Variants in NOL10 observed in about 807,000 individuals in gnomAD.
NOL10 encodes the protein H_NH0074G24.1.
In NOL10, 58 loss-of-function variants were observed where a neutral mutation model predicts 103.5. The observed-to-expected ratio is 0.56, with a 90% CI of 0.45 to 0.70. The LOEUF is 0.70. Ranked by LOEUF, NOL10 falls within the 30% of genes least tolerant of loss-of-function variation. The probability of loss-of-function intolerance (pLI) is 0.00; values close to 1 mark genes in which losing one functional copy is unlikely to be tolerated. For synonymous variants in NOL10, 287 were observed against 282.5 expected, an observed-to-expected ratio of 1.02 and a Z score of -0.16; for missense variants, 763 against 807.3, an observed-to-expected ratio of 0.95 and a Z score of 0.67.
At chr2:10,630,087 C>T (rs1465001477) in intron 13 of NOL10, among the ~76,000 whole-genome samples, 1 of 152,230 alleles carries the variant, frequency 6.6e-6, no homozygotes, top group Non-Finnish European at 1.5e-5. Context: ...CCACACCCAG[C>T]TTAATGACTT....
intron 11 of NOL10, among the ~76,000 whole-genome samples, chr2:10,655,330 C>G (rs1679772351): frequency 6.6e-6 from 1 of 151,784 alleles, no homozygotes. Context: ...AGAAAACAAA[C>G]CAATCAGAGG....
chr2:10,653,253 A>G (rs1395049079), intron 12 of NOL10, among the ~76,000 whole-genome samples: 1 of 151,966 alleles, frequency 6.6e-6, no homozygotes, highest in African/African-American at 2.4e-5. Context: ...ATGAGTGAGT[A>G]CACCTAGTAT....
chr2:10,594,479 C>T (rs1426581257), intron 17 of NOL10, among the ~76,000 whole-genome samples: 1 of 152,072 alleles, frequency 6.6e-6, no homozygotes, highest in African/African-American at 2.4e-5. Context: ...TGGAATGGGG[C>T]AGAAAATTCT....
At chr2:10,628,798 CTTT>C (rs1677650272) in intron 13 of NOL10, among the ~76,000 whole-genome samples, 1 of 152,156 alleles carries the variant, frequency 6.6e-6, no homozygotes, top group Admixed American at 6.5e-5. Context: ...TTTAAGCAAA[CTTT>C]TTCAAACAGT....
At chr2:10,655,568 T>C (rs1190736371) in intron 11 of NOL10, among the ~76,000 whole-genome samples, 2 of 152,038 alleles carry the variant, frequency 1.3e-5, no homozygotes, top group African/African-American at 4.8e-5. Flanking sequence ...AAAAAGATGC[T>C]AAGAAGGTGG....
chr2:10,573,759 A>C (rs1446849038), intron 20 of NOL10, among the ~76,000 whole-genome samples: 1 of 151,928 alleles, frequency 6.6e-6, no homozygotes, highest in African/African-American at 2.4e-5. Context: ...CTATTCTTCA[A>C]CTGTCTTTTC....
chr2:10,603,120 T>A lies in NOL10; in HGVS notation c.1191A>T (p.Ala397=). 1 of 1,611,950 alleles carries A rather than the reference T, an allele frequency of 6.2e-7. No individual in the cohort carries two copies. The highest frequency in any genetic ancestry group is 8.5e-7 in the Non-Finnish European group (1 of 1,178,908). The change falls in exon 15 of 21, where the codon GCA becomes GCT. Residue 397 remains alanine, a synonymous_variant. Coordinates refer to ENST00000381685, the MANE Select transcript of NOL10 (RefSeq NM_024894.4). ...THLIGSPFLR[A]YMHGFFMDIR... ...TATCCATGAAAAACCCATGCATATATGCCCGGAGGAAAGGAGATCCAATGA... is the reference window on the plus strand; with the variant it reads ...TATCCATGAAAAACCCATGCATATAAGCCCGGAGGAAAGGAGATCCAATGA...
In NOL10 at chr2:10,602,646, A is replaced by C. The variant is rs541833548; in HGVS notation, c.1332+130T>G. The C allele has an allele frequency of 4.6e-6, 3 of 647,514 alleles. No individual in the cohort carries two copies. The South Asian group carries it at 6.6e-5, about 14-fold the overall frequency. 40.1% of individuals were successfully genotyped at this position (647,514 alleles called of 1,614,324 possible). On this transcript the variant is annotated intron_variant, in intron 16 of 20. Coordinates refer to ENST00000381685, the MANE Select transcript of NOL10 (RefSeq NM_024894.4). ...ACTGATGACAAACAAACTATACCAA[A>C]AATATCAGTAAAAGATGCAAATTAA... is the stretch of plus-strand genomic sequence containing the variant.
intron 12 of NOL10, among the ~76,000 whole-genome samples, chr2:10,645,230 G>A (rs1191355738): frequency 6.6e-6 from 1 of 152,082 alleles, no homozygotes; most frequent in African/African-American, 2.4e-5. Context: ...ACTCAAGAGC[G>A]CCTGCTTTTA....
Position 10,671,610 on chromosome 2 carries a change from A to G in NOL10, c.408T>C (p.Phe136=). 1 of 1,600,920 alleles carries G rather than the reference A, an allele frequency of 6.2e-7. No homozygotes were observed. Among genetic ancestry groups the G allele is most frequent in the Non-Finnish European group, 8.5e-7 (1 of 1,173,286 alleles). The change falls in exon 6 of 21, where the codon TTT becomes TTC. Residue 136 remains phenylalanine, a synonymous_variant. Transcript: ENST00000381685. The part of the protein sequence containing the change: ...GFYYKTRIPK[F]GRDFSYHYPS... ...GATAGTGGTAAGAGAAATCTCTCCC[A>G]AACTTTGGTATTCTGGTTTTGTAGT... is the stretch of plus-strand genomic sequence containing the variant.
chr2:10,632,350 C>T (rs950494970), intron 13 of NOL10, among the ~76,000 whole-genome samples: 2 of 152,218 alleles, frequency 1.3e-5, no homozygotes, highest in Admixed American at 1.3e-4. Context: ...GTCACAGCTA[C>T]TCAACTTTGC....
intron 2 of NOL10, among the ~76,000 whole-genome samples, chr2:10,683,956 A>G (rs766892401): frequency 1.3e-5 from 2 of 152,154 alleles, no homozygotes; most frequent in Non-Finnish European, 2.9e-5. Flanking sequence ...CACCAGGAAC[A>G]TACCAACCAC....
rs997131160 is a variant in NOL10 at position 10,657,633 on chromosome 2, T to C, written c.906+109A>G. The C allele has an allele frequency of 1.6e-5, 15 of 911,236 alleles. No homozygotes were observed. The African/African-American group carries it at 2.2e-4, about 13-fold the overall frequency. The allele number at this position is 911,236 out of a possible 1,614,324, so 56.4% of individuals were successfully genotyped here. ...CTCCCGCTAAGTTCCCAAATGTATA[T>C]TCAGTATCTCTTTCCCAATAACCCA... On this transcript the variant is annotated intron_variant, in intron 11 of 20. Transcript: ENST00000381685.
At chr2:10,663,101 T>C in intron 8 of NOL10, 57 bp from the exon 9 acceptor site, 1 of 1,411,534 alleles carries the variant, frequency 7.1e-7, no homozygotes, top group Non-Finnish European at 1.0e-6. Flanking sequence ...GCATGGTGGC[T>C]CATGCCTGTA....
At chr2:10,600,279 T>C (rs1279243321) in intron 17 of NOL10, among the ~76,000 whole-genome samples, 1 of 152,224 alleles carries the variant, frequency 6.6e-6, no homozygotes, top group African/African-American at 2.4e-5. Context: ...TTATTTATCT[T>C]ATGACTGATC....
intron 19 of NOL10, among the ~76,000 whole-genome samples, chr2:10,581,352 A>C (rs1237503287): frequency 6.6e-6 from 1 of 152,174 alleles, no homozygotes; most frequent in South Asian, 2.1e-4. Context: ...GTGCATACAC[A>C]CATTTGCGAC....
chr2:10,663,683 G>A (rs988755381), intron 8 of NOL10, among the ~76,000 whole-genome samples: 3 of 151,494 alleles, frequency 2.0e-5, no homozygotes, highest in Admixed American at 1.3e-4. Flanking sequence ...AGGCGCGGTG[G>A]CCACGCCTGT....
At chr2:10,601,663 A>G (rs1675982510) in intron 16 of NOL10, among the ~76,000 whole-genome samples, 1 of 152,156 alleles carries the variant, frequency 6.6e-6, no homozygotes, top group African/African-American at 2.4e-5. Flanking sequence ...ACTACAAAAA[A>G]TTAGTTGAGT....
chr2:10,659,521 TA>T (rs113310863), intron 9 of NOL10, among the ~76,000 whole-genome samples: 33,920 of 142,144 alleles, frequency 0.24, 3,990 homozygotes, highest in South Asian at 0.47. Context: ...TACAAAAAAT[TA>T]AAAAAAAAAA....
Sources: gnomAD v4.1 joint callset for allele counts (sites outside exome capture counted in the v4.1 genomes callset) on GRCh38, gnomAD v4.1.1 for gene constraint, MANE v1.5 for transcripts, NCBI Gene and HGNC (gene_info 2026-07-23, HGNC 2026-07-21) for gene names.